FAM117B: variants seen among roughly 807,000 people sequenced by gnomAD.
FAM117B encodes family with sequence similarity 117 member B, also known as protein FAM117B.
In FAM117B, 22 loss-of-function variants were observed where a neutral mutation model predicts 52.8. The observed-to-expected ratio is 0.42, with a 90% CI of 0.30 to 0.59. The LOEUF (loss-of-function observed/expected upper bound fraction) is 0.59. FAM117B is among the 20% of genes least tolerant of loss of function. The pLI is 0.22. For synonymous variants in FAM117B, 309 were observed against 324.1 expected, an observed-to-expected ratio of 0.95 and a Z score of 0.50; for missense variants, 678 against 802.6, an observed-to-expected ratio of 0.84 and a Z score of 1.88.
chr2:202,724,332 C>T (rs923464745), intron 2 of FAM117B, among the ~76,000 whole-genome samples: 2 of 152,068 alleles, frequency 1.3e-5, no homozygotes, highest in Admixed American at 6.6e-5. Flanking sequence ...CGTGAGCCAC[C>T]GCGCCCAGCC....
At chr2:202,746,362 T>C (rs568721840) in intron 4 of FAM117B, among the ~76,000 whole-genome samples, 1 of 152,048 alleles carries the variant, frequency 6.6e-6, no homozygotes, top group East Asian at 1.9e-4. Context: ...TCAATGACCA[T>C]TGGTCAATGA....
chr2:202,654,236 T>C (rs953099969), intron 1 of FAM117B, among the ~76,000 whole-genome samples: 9 of 150,848 alleles, frequency 6.0e-5, no homozygotes, highest in African/African-American at 2.2e-4. Context: ...TACTGAGATA[T>C]AAAATATATC....
At chr2:202,697,641 C>A (rs913708841) in intron 2 of FAM117B, among the ~76,000 whole-genome samples, 2 of 151,266 alleles carry the variant, frequency 1.3e-5, no homozygotes, top group Middle Eastern at 3.2e-3. Context: ...ACCACTGCCT[C>A]CCGGATTCAA....
intron 4 of FAM117B, among the ~76,000 whole-genome samples, chr2:202,735,796 T>A (rs917522504): frequency 6.6e-6 from 1 of 152,236 alleles, no homozygotes; most frequent in Non-Finnish European, 1.5e-5. Flanking sequence ...ATGTTTTTTT[T>A]ATTATACTTT....
At chr2:202,709,188 T>C (rs956190391) in intron 2 of FAM117B, among the ~76,000 whole-genome samples, 28 of 152,030 alleles carry the variant, frequency 1.8e-4, no homozygotes, top group Non-Finnish European at 2.5e-4. Context: ...CTTTTTTTTT[T>C]CCCCAAGTCC....
chr2:202,671,609 G>A (rs1461454116), intron 1 of FAM117B, among the ~76,000 whole-genome samples: 2 of 152,204 alleles, frequency 1.3e-5, no homozygotes, highest in Non-Finnish European at 2.9e-5. Flanking sequence ...GGCTGTGAAT[G>A]GAAATGGGTG....
Position 202,695,945 on chromosome 2 carries a change from T to TCC in FAM117B, c.666_667insCC (p.Thr223ProfsTer24). 6.2e-7 allele frequency: 1 copy of TCC among 1,614,136 alleles called. No homozygotes were observed. The highest frequency in any genetic ancestry group is 8.5e-7 in the Non-Finnish European group (1 of 1,179,996). On this transcript the variant is annotated frameshift_variant, in exon 2 of 8. Coordinates refer to ENST00000392238, the MANE Select transcript of FAM117B (RefSeq NM_173511.4). LOFTEE classifies it high-confidence loss of function. ...TTATCCGACGCACTTCCTCCCTGGA[T>TCC]ACTCTTGCTGCACCGTATCTTGCTG...
chr2:202,698,571 C>T lies in FAM117B; in HGVS notation c.753+2539C>T, dbSNP rs181185869. The stretch of plus-strand genomic sequence containing the variant: ...CCAAGTAGCTGGGACTACAAGCGCA[C>T]GCCACCACGCCTGGCTAATTTTTGT... On this transcript the variant is annotated intron_variant, in intron 2 of 7. Transcript: ENST00000392238. 4.7e-4 allele frequency among the ~76,000 whole-genome samples: 72 copies of T among 152,174 alleles called. No homozygotes were observed. In the East Asian group the frequency reaches 9.1e-3, roughly 19 times the overall value.
intron 1 of FAM117B, among the ~76,000 whole-genome samples, chr2:202,676,375 G>GTTTTTT (rs71030983): frequency 4.6e-5 from 6 of 130,934 alleles, no homozygotes; most frequent in Non-Finnish European, 6.8e-5. Context: ...AATATTCCTT[G>GTTTTTT]TTTTTTTTTT....
In FAM117B at chr2:202,695,932, C is replaced by G; in HGVS notation, c.653C>G (p.Thr218Ser). The G allele has an allele frequency of 1.2e-6, 2 of 1,613,982 alleles. No individual in the cohort carries two copies. Among genetic ancestry groups the G allele is most frequent in the Non-Finnish European group, 1.7e-6 (2 of 1,179,946 alleles). ...SSSPSSIIRR[T>S]SSLDTLAAPY... Reference sequence around the variant, plus strand: ...AGCCCCTCCAGTATTATCCGACGCACTTCCTCCCTGGATACTCTTGCTGCA... The same window carrying G: ...AGCCCCTCCAGTATTATCCGACGCAGTTCCTCCCTGGATACTCTTGCTGCA... The change falls in exon 2 of 8, where the codon ACT (threonine) becomes AGT (serine). Residue 218 changes from threonine to serine, a missense_variant. Coordinates refer to ENST00000392238, the MANE Select transcript of FAM117B (RefSeq NM_173511.4).
intron 1 of FAM117B, among the ~76,000 whole-genome samples, chr2:202,668,202 ATT>A (rs61255912): frequency 6.9e-6 from 1 of 145,164 alleles, no homozygotes; most frequent in African/African-American, 2.5e-5. Flanking sequence ...ATATTTATAT[ATT>A]TTTATATAAT....
intron 1 of FAM117B, among the ~76,000 whole-genome samples, chr2:202,646,887 A>G (rs940794557): frequency 6.6e-6 from 1 of 152,152 alleles, no homozygotes; most frequent in African/African-American, 2.4e-5. Flanking sequence ...TTAGTATACA[A>G]GATGCTAATG....
intron 1 of FAM117B, among the ~76,000 whole-genome samples, chr2:202,674,244 C>T (rs908493137): frequency 1.4e-4 from 21 of 152,188 alleles, no homozygotes; most frequent in Admixed American, 1.2e-3. Flanking sequence ...ATATCAAACT[C>T]AGTGGGTTTG....
intron 2 of FAM117B, among the ~76,000 whole-genome samples, chr2:202,709,556 G>A (rs184905322): frequency 2.0e-5 from 3 of 152,236 alleles, no homozygotes; most frequent in African/African-American, 7.2e-5. Flanking sequence ...TGTTTCTTAC[G>A]TATTTTGGAG....
chr2:202,643,961 TG>T lies in FAM117B; in HGVS notation c.601+8175del, dbSNP rs1249032250. 6.6e-5 allele frequency among the ~76,000 whole-genome samples: 10 copies of T among 151,652 alleles called. 1 individual carries two copies. The highest frequency in any genetic ancestry group is 1.0e-4 in the Non-Finnish European group (7 of 67,938). Reference sequence around the variant, plus strand: ...CTGGCCTCAAGTGATCCACCCGCCTTGGCCTCCCAAAATGCTGGAATTACAG... The same window carrying T: ...CTGGCCTCAAGTGATCCACCCGCCTTGCCTCCCAAAATGCTGGAATTACAG... On this transcript the variant is annotated intron_variant, in intron 1 of 7. Coordinates refer to ENST00000392238, the MANE Select transcript of FAM117B (RefSeq NM_173511.4).
At chr2:202,724,890 T>G (rs1034299752) in intron 2 of FAM117B, 27 bp from the exon 3 acceptor site, 9 of 1,542,384 alleles carry the variant, frequency 5.8e-6, no homozygotes, top group Non-Finnish European at 7.9e-6. Context: ...TTTTGTTAAA[T>G]ACACCTCCCC....
chr2:202,667,140 G>A (rs1304605393), intron 1 of FAM117B, among the ~76,000 whole-genome samples: 2 of 151,490 alleles, frequency 1.3e-5, no homozygotes, highest in Non-Finnish European at 2.9e-5. Flanking sequence ...TTGCTTTGTC[G>A]CCCAGGCTGG....
chr2:202,726,173 G>A lies in FAM117B; in HGVS notation c.847-77G>A. ...GGACTTATTAAGGGTAAGTTTTACT[G>A]GTTCTTATTAAGCAAGGATGTGTTT... On this transcript the variant is annotated intron_variant, in intron 3 of 7. Coordinates refer to ENST00000392238, the MANE Select transcript of FAM117B (RefSeq NM_173511.4). 4 of 932,018 alleles carry A rather than the reference G, an allele frequency of 4.3e-6. No individual in the cohort carries two copies. In the South Asian group the frequency reaches 4.6e-5, roughly 11 times the overall value. The allele number at this position is 932,018 out of a possible 1,614,324, so 57.7% of individuals were successfully genotyped here. A position where few individuals can be genotyped will look rare whatever the true frequency, so the allele number is the denominator to read the frequency against.
intron 1 of FAM117B, among the ~76,000 whole-genome samples, chr2:202,658,852 G>A (rs996334585): frequency 2.6e-5 from 4 of 151,510 alleles, no homozygotes; most frequent in East Asian, 3.9e-4. Context: ...TATCCTGTTC[G>A]TGTTCACTTA....
Sources: gnomAD v4.1 joint callset for allele counts (sites outside exome capture counted in the v4.1 genomes callset) on GRCh38, gnomAD v4.1.1 for gene constraint, MANE v1.5 for transcripts, NCBI Gene and HGNC (gene_info 2026-07-23, HGNC 2026-07-21) for gene names.